The following SLC35F3 variants were observed in gnomAD, a reference collection of about 807,000 sequenced individuals.
The protein encoded by SLC35F3 is solute carrier family 35 member F3.
A neutral mutation model predicts 49.9 loss-of-function variants in SLC35F3; 25 were observed. The observed-to-expected ratio is 0.50, with a 90% CI of 0.37 to 0.70. The LOEUF is 0.70. Ranked by LOEUF, SLC35F3 falls within the 30% of genes least tolerant of loss-of-function variation. SLC35F3 has a pLI of 0.00. For synonymous variants in SLC35F3, 275 were observed against 265.4 expected (o/e 1.04, Z -0.35); for missense variants, 525 against 639.8 (o/e 0.82, Z 1.94).
At chr1:234,104,772 G>A (rs1187573364) in intron 2 of SLC35F3, among the ~76,000 whole-genome samples, 1 of 152,224 alleles carries the variant, frequency 6.6e-6, no homozygotes, top group Non-Finnish European at 1.5e-5. Context: ...TTAATTTTAT[G>A]AGAGTGATAA....
At chr1:234,174,794 A>G in intron 2 of SLC35F3, among the ~76,000 whole-genome samples, 1 of 152,250 alleles carries the variant, frequency 6.6e-6, no homozygotes, top group East Asian at 1.9e-4. Flanking sequence ...AACATCGTCA[A>G]CAAGGTGCCT....
chr1:234,049,743 T>C (rs1664347144), intron 2 of SLC35F3, among the ~76,000 whole-genome samples: 1 of 152,192 alleles, frequency 6.6e-6, no homozygotes, highest in Non-Finnish European at 1.5e-5. Context: ...ACCCATTAAC[T>C]CGTCATTTAC....
chr1:234,264,557 A>G (rs1474882863), intron 3 of SLC35F3, among the ~76,000 whole-genome samples: 1 of 151,990 alleles, frequency 6.6e-6, no homozygotes, highest in African/African-American at 2.4e-5. Flanking sequence ...TTATTTTTTC[A>G]TCTCGTTGAT....
chr1:233,922,540 G>A (rs1228663861), intron 2 of SLC35F3, among the ~76,000 whole-genome samples: 1 of 142,060 alleles, frequency 7.0e-6, no homozygotes, highest in Non-Finnish European at 1.5e-5. Context: ...GTAGATTCTG[G>A]ATATTAGCCC....
chr1:234,316,159 G>A (rs921837146), intron 4 of SLC35F3, among the ~76,000 whole-genome samples: 1 of 152,204 alleles, frequency 6.6e-6, no homozygotes. Flanking sequence ...TCCCTGTTGA[G>A]ATATGAAATA....
At chr1:234,022,248 A>G (rs903647418) in intron 2 of SLC35F3, among the ~76,000 whole-genome samples, 6 of 152,182 alleles carry the variant, frequency 3.9e-5, no homozygotes, top group African/African-American at 7.2e-5. Flanking sequence ...CAGAAAACAT[A>G]AACAAAACCA....
chr1:234,195,230 C>G (rs1666789375), intron 2 of SLC35F3, among the ~76,000 whole-genome samples: 1 of 152,190 alleles, frequency 6.6e-6, no homozygotes, highest in Non-Finnish European at 1.5e-5. Context: ...AGTATGACAG[C>G]CTTTGTCAAA....
intron 3 of SLC35F3, among the ~76,000 whole-genome samples, chr1:234,259,684 A>AATG (rs1028020266): frequency 4.0e-5 from 6 of 151,094 alleles, no homozygotes; most frequent in East Asian, 1.9e-4. Context: ...AAATAATAAT[A>AATG]ATGATAATAA....
intron 2 of SLC35F3, among the ~76,000 whole-genome samples, chr1:233,985,581 A>T (rs1388978697): frequency 6.6e-6 from 1 of 152,202 alleles, no homozygotes; most frequent in Non-Finnish European, 1.5e-5. Context: ...AGACCCACAC[A>T]GTTCTTTCTC....
chr1:233,945,652 G>A (rs1662501605), intron 2 of SLC35F3, among the ~76,000 whole-genome samples: 1 of 152,210 alleles, frequency 6.6e-6, no homozygotes, highest in African/African-American at 2.4e-5. Context: ...CAAAGGCAGA[G>A]CCAGGTGGAG....
chr1:234,253,389 C>A, intron 3 of SLC35F3, among the ~76,000 whole-genome samples: 1 of 149,814 alleles, frequency 6.7e-6, no homozygotes. Flanking sequence ...AATAAAAGGG[C>A]TAGTGTTTAT....
At chr1:234,275,264 TTTC>T (rs1410006752) in intron 3 of SLC35F3, among the ~76,000 whole-genome samples, 1 of 152,124 alleles carries the variant, frequency 6.6e-6, no homozygotes, top group Non-Finnish European at 1.5e-5. Context: ...CGTAAATGGT[TTTC>T]TTGTTTAGAC....
At chr1:234,279,839 T>G (rs1356350355) in intron 3 of SLC35F3, among the ~76,000 whole-genome samples, 1 of 152,242 alleles carries the variant, frequency 6.6e-6, no homozygotes, top group Non-Finnish European at 1.5e-5. Flanking sequence ...TTCTCAGACC[T>G]TGGCTTTGCT....
At chr1:234,299,608 A>G (rs1668659774) in intron 3 of SLC35F3, among the ~76,000 whole-genome samples, 2 of 152,044 alleles carry the variant, frequency 1.3e-5, no homozygotes, top group South Asian at 4.1e-4. Context: ...GATTGAGATC[A>G]TCCTGGCTAA....
intron 2 of SLC35F3, among the ~76,000 whole-genome samples, chr1:233,928,166 G>T (rs6586383): frequency 0.29 from 43,420 of 151,938 alleles, 7,424 homozygotes; most frequent in Admixed American, 0.49. Context: ...TAAACAATGG[G>T]CAGCAGTAAT....
At chr1:234,156,066 T>G (rs756330624) in intron 2 of SLC35F3, among the ~76,000 whole-genome samples, 3 of 152,256 alleles carry the variant, frequency 2.0e-5, no homozygotes, top group South Asian at 2.1e-4. Flanking sequence ...ATCAAAAGTT[T>G]ATACTTTTAA....
chr1:234,060,432 T>A (rs922663715), intron 2 of SLC35F3, among the ~76,000 whole-genome samples: 9 of 152,142 alleles, frequency 5.9e-5, no homozygotes, highest in Non-Finnish European at 1.0e-4. Flanking sequence ...GGAATGTTAC[T>A]CCTATTTATG....
At chr1:233,906,497 T>A (rs1661779262) in intron 2 of SLC35F3, among the ~76,000 whole-genome samples, 1 of 152,144 alleles carries the variant, frequency 6.6e-6, no homozygotes. Context: ...AAGAGAGAGG[T>A]TGATTATGAT....
At chr1:233,924,929 G>A (rs1432753782) in intron 2 of SLC35F3, among the ~76,000 whole-genome samples, 4 of 152,354 alleles carry the variant, frequency 2.6e-5, no homozygotes, top group African/African-American at 9.6e-5. Flanking sequence ...CAGTTTCCAT[G>A]TAGATGTGCG....
Sources: allele counts gnomAD v4.1 joint callset (sites outside exome capture counted in the v4.1 genomes callset), GRCh38; gene constraint gnomAD v4.1.1; transcripts MANE v1.5; gene names NCBI Gene and HGNC (gene_info 2026-07-23, HGNC 2026-07-21).